The following PLXNA4 variants were observed in gnomAD, a reference collection of about 807,000 sequenced individuals.
PLXNA4 encodes plexin-A4.
A neutral mutation model predicts 191.8 loss-of-function variants in PLXNA4; 44 were observed. The observed-to-expected ratio is 0.23, with a 90% CI of 0.18 to 0.29. The LOEUF is 0.29. Ranked by LOEUF, PLXNA4 falls within the 10% of genes least tolerant of loss-of-function variation. The pLI, the probability that PLXNA4 is intolerant of heterozygous loss-of-function variation, is 1.00. For synonymous variants in PLXNA4, 1,082 were observed against 1,009.5 expected (o/e 1.07, Z -1.36); for missense variants, 1,800 against 2,488.8 (o/e 0.72, Z 5.89).
At chr7:132,216,163 T>C (rs1797956796) in intron 9 of PLXNA4, among the ~76,000 whole-genome samples, 1 of 152,230 alleles carries the variant, frequency 6.6e-6, no homozygotes, top group Non-Finnish European at 1.5e-5. Flanking sequence ...AAGTGGTTTC[T>C]GCAGAGGATT....
chr7:132,439,053 A>G (rs1353653660), intron 3 of PLXNA4, among the ~76,000 whole-genome samples: 1 of 152,252 alleles, frequency 6.6e-6, no homozygotes, highest in Non-Finnish European at 1.5e-5. Flanking sequence ...GAACGTCAAC[A>G]GTCCCTGGTT....
intron 3 of PLXNA4, among the ~76,000 whole-genome samples, chr7:132,336,440 T>C (rs1277170297): frequency 6.6e-6 from 1 of 152,192 alleles, no homozygotes. Context: ...GGTACTATTA[T>C]GTGCATCCAT....
intron 3 of PLXNA4, among the ~76,000 whole-genome samples, chr7:132,464,322 C>A (rs1796622067): frequency 6.6e-6 from 1 of 152,170 alleles, no homozygotes; most frequent in African/African-American, 2.4e-5. Context: ...TGTCTTACTT[C>A]TCTTCTGTCC....
chr7:132,360,125 T>C (rs1803876672), intron 3 of PLXNA4, among the ~76,000 whole-genome samples: 1 of 152,230 alleles, frequency 6.6e-6, no homozygotes, highest in African/African-American at 2.4e-5. Flanking sequence ...TTTCTTATCC[T>C]ACCAGATTAC....
intron 4 of PLXNA4, among the ~76,000 whole-genome samples, chr7:132,249,411 G>A (rs916836127): frequency 3.3e-5 from 5 of 152,182 alleles, no homozygotes; most frequent in South Asian, 2.1e-4. Flanking sequence ...TGCCGACGCC[G>A]GAATCATCAA....
chr7:132,576,503 T>G, upstream of PLXNA4: 1 of 984,208 alleles, frequency 1.0e-6, no homozygotes, highest in Non-Finnish European at 1.2e-6. The surrounding 1 kb of genome is among the most constrained non-coding windows in gnomAD (Gnocchi z 5.8). Context: ...CCTCTCGCCC[T>G]CCTCTGAACG....
At chr7:132,283,796 A>G (rs1800578962) in intron 4 of PLXNA4, among the ~76,000 whole-genome samples, 1 of 152,216 alleles carries the variant, frequency 6.6e-6, no homozygotes, top group African/African-American at 2.4e-5. Context: ...TACTTCCTAC[A>G]TTTGTCATCT....
At chr7:132,512,262 C>T (rs967495210) in intron 1 of PLXNA4, among the ~76,000 whole-genome samples, 3 of 152,184 alleles carry the variant, frequency 2.0e-5, no homozygotes, top group South Asian at 2.1e-4. Context: ...TGTGCCTACC[C>T]CACGACCTGC....
At position 132,124,137 on chromosome 7, in the gene PLXNA4, G is replaced by A. The variant is rs1245189801; in HGVS notation, c.*6342C>T. On this transcript the variant is annotated 3_prime_UTR_variant, in exon 32 of 32. Coordinates refer to ENST00000321063, the MANE Select transcript of PLXNA4 (RefSeq NM_020911.2). ...CTAAGCAAAGACCGTATGTCTCAAG[G>A]ACACCAGGCCAAGGTAGGGAGTGGT... The A allele has an allele frequency of 6.6e-6, 1 of 152,206 alleles. No homozygotes were observed. The highest frequency in any genetic ancestry group is 2.4e-5 in the African/African-American group (1 of 41,452). 9.4% of individuals were successfully genotyped at this position (152,206 alleles called of 1,614,324 possible). A position where few individuals can be genotyped will look rare whatever the true frequency, so the allele number is the denominator to read the frequency against.
chr7:132,201,146 A>G (rs1797419864), intron 12 of PLXNA4, among the ~76,000 whole-genome samples: 1 of 152,200 alleles, frequency 6.6e-6, no homozygotes, highest in South Asian at 2.1e-4. Flanking sequence ...GAAGCTACAC[A>G]GGGAGAAGAT....
chr7:132,432,579 G>C (rs925796893), intron 3 of PLXNA4, among the ~76,000 whole-genome samples: 2 of 152,146 alleles, frequency 1.3e-5, no homozygotes, highest in East Asian at 1.9e-4. Context: ...GAGAGAAGGG[G>C]AGGAGGTCTG....
chr7:132,465,274 G>A (rs1796656857), intron 3 of PLXNA4, among the ~76,000 whole-genome samples: 1 of 152,176 alleles, frequency 6.6e-6, no homozygotes, highest in Admixed American at 6.5e-5. Flanking sequence ...GGAGTCTTTG[G>A]GGAACACTGG....
At chr7:132,257,804 C>T (rs955368734) in intron 4 of PLXNA4, among the ~76,000 whole-genome samples, 4 of 152,172 alleles carry the variant, frequency 2.6e-5, no homozygotes, top group East Asian at 1.9e-4. Context: ...CCATGTTTTC[C>T]GAGGCGTCTT....
chr7:132,513,746 C>T (rs1384118858), intron 1 of PLXNA4, among the ~76,000 whole-genome samples: 1 of 152,084 alleles, frequency 6.6e-6, no homozygotes, highest in African/African-American at 2.4e-5. Context: ...AATCTAGGCT[C>T]ACTGCAACTT....
intron 3 of PLXNA4, among the ~76,000 whole-genome samples, chr7:132,424,825 G>A (rs11977118): frequency 1.3e-5 from 2 of 152,128 alleles, no homozygotes; most frequent in African/African-American, 4.8e-5. Flanking sequence ...AAAAAACGAG[G>A]TTCTGCTAGC....
chr7:132,445,291 G>A (rs956063102), intron 3 of PLXNA4, among the ~76,000 whole-genome samples: 1 of 151,458 alleles, frequency 6.6e-6, no homozygotes, highest in Admixed American at 6.6e-5. Flanking sequence ...GATTTCTCGA[G>A]CAGATGCAAA....
intron 3 of PLXNA4, among the ~76,000 whole-genome samples, chr7:132,310,165 A>T (rs984901134): frequency 6.6e-6 from 1 of 152,202 alleles, no homozygotes; most frequent in Admixed American, 6.5e-5. Flanking sequence ...TAGCATCCTC[A>T]GCTGAAACAC....
At chr7:132,614,256 T>A (rs1224118989) in intron 2 of PLXNA4, among the ~76,000 whole-genome samples, 1 of 152,190 alleles carries the variant, frequency 6.6e-6, no homozygotes, top group Non-Finnish European at 1.5e-5. Flanking sequence ...TATTGAGGTA[T>A]TTTACACTCT....
At chr7:132,347,583 G>C (rs1056738759) in intron 3 of PLXNA4, among the ~76,000 whole-genome samples, 3 of 152,182 alleles carry the variant, frequency 2.0e-5, no homozygotes, top group African/African-American at 7.2e-5. Flanking sequence ...AAAATCGTTT[G>C]GTAGGAAATG....
Sources: allele counts gnomAD v4.1 joint callset (sites outside exome capture counted in the v4.1 genomes callset), GRCh38; gene constraint gnomAD v4.1.1; non-coding constraint Gnocchi (gnomAD v3.1); transcripts MANE v1.5; gene names NCBI Gene and HGNC (gene_info 2026-07-23, HGNC 2026-07-21).